CLIP4: variants seen among roughly 807,000 people sequenced by gnomAD.
The protein encoded by CLIP4 is CAP-Gly domain containing linker protein family member 4, also known as CAP-Gly domain-containing linker protein 4.
In CLIP4, 47 loss-of-function variants were observed where a neutral mutation model predicts 73.1. That is an observed-to-expected ratio of 0.64 (90% CI 0.51 to 0.82). The LOEUF is 0.82. CLIP4 is among the 40% of genes least tolerant of loss of function. The pLI is 0.00. For missense variants in CLIP4, 874 were observed against 852.9 expected, an observed-to-expected ratio of 1.02 and a Z score of -0.31; for synonymous variants, 306 against 295.4, an observed-to-expected ratio of 1.04 and a Z score of -0.37.
chr2:29,131,191 TTTA>T, intron 2 of CLIP4, 64 bp from the exon 3 acceptor site: 1 of 1,297,662 alleles, frequency 7.7e-7, no homozygotes, highest in South Asian at 1.4e-5. Context: ...GGTTTTATTG[TTTA>T]TTATTTTCAA....
intron 15 of CLIP4, among the ~76,000 whole-genome samples, chr2:29,177,510 G>A (rs1460986766): frequency 6.6e-6 from 1 of 152,036 alleles, no homozygotes; most frequent in Non-Finnish European, 1.5e-5. Flanking sequence ...GAACCTGGGG[G>A]GCAGAGGTTG....
chr2:29,140,395 C>A (rs1665678775), intron 6 of CLIP4, among the ~76,000 whole-genome samples: 2 of 152,234 alleles, frequency 1.3e-5, no homozygotes, highest in African/African-American at 2.4e-5. Context: ...CATGTCCCTA[C>A]AAAGGACATG....
intron 6 of CLIP4, among the ~76,000 whole-genome samples, chr2:29,143,495 A>G (rs1171226959): frequency 2.0e-5 from 3 of 151,566 alleles, no homozygotes; most frequent in African/African-American, 7.3e-5. Context: ...TCCCACCAGA[A>G]TGTAATGTTC....
At chr2:29,126,281 T>A (rs528813182) in intron 2 of CLIP4, among the ~76,000 whole-genome samples, 2 of 152,354 alleles carry the variant, frequency 1.3e-5, no homozygotes, top group South Asian at 4.1e-4. Context: ...AAGTTGAAAA[T>A]TCAAATGTAG....
chr2:29,165,344 G>T (rs1667538961), intron 13 of CLIP4, among the ~76,000 whole-genome samples: 2 of 151,924 alleles, frequency 1.3e-5, no homozygotes, highest in Middle Eastern at 3.4e-3. Context: ...GGGTCTGTTT[G>T]CAGGGCCCTT....
chr2:29,169,545 T>C (rs1667867218), intron 14 of CLIP4, among the ~76,000 whole-genome samples: 1 of 152,210 alleles, frequency 6.6e-6, no homozygotes, highest in South Asian at 2.1e-4. Flanking sequence ...TATGAGTTTT[T>C]GGGGTGCAAA....
At chr2:29,116,957 A>T (rs1348133884) in intron 1 of CLIP4, among the ~76,000 whole-genome samples, 1 of 152,194 alleles carries the variant, frequency 6.6e-6, no homozygotes, top group Non-Finnish European at 1.5e-5. Context: ...GAAACTAGTG[A>T]TCTTTAGATT....
chr2:29,123,150 A>G (rs191657696), intron 2 of CLIP4, among the ~76,000 whole-genome samples: 2 of 152,318 alleles, frequency 1.3e-5, no homozygotes, highest in East Asian at 3.9e-4. Flanking sequence ...ATCTGCAGAT[A>G]GTTTGAACAT....
chr2:29,116,343 G>A (rs1663833557), intron 1 of CLIP4, among the ~76,000 whole-genome samples: 2 of 152,222 alleles, frequency 1.3e-5, no homozygotes, highest in Non-Finnish European at 2.9e-5. Flanking sequence ...GTTTTGATAC[G>A]TATCAGAGGA....
intron 1 of CLIP4, among the ~76,000 whole-genome samples, chr2:29,117,063 A>G (rs1429028316): frequency 2.6e-5 from 4 of 152,252 alleles, no homozygotes; most frequent in Non-Finnish European, 5.9e-5. Context: ...ATAATGAACT[A>G]TGGAGCTATA....
At chr2:29,136,113 TA>T (rs1376791686) in intron 6 of CLIP4, among the ~76,000 whole-genome samples, 3 of 152,114 alleles carry the variant, frequency 2.0e-5, no homozygotes, top group Non-Finnish European at 2.9e-5. Context: ...GTGTATTTTT[TA>T]ATAGTAAAAT....
intron 12 of CLIP4, among the ~76,000 whole-genome samples, chr2:29,163,204 A>G (rs1033023341): frequency 1.3e-5 from 2 of 152,116 alleles, no homozygotes; most frequent in Non-Finnish European, 2.9e-5. Context: ...GTCCTTTTAA[A>G]TACAAAAAGT....
intron 15 of CLIP4, among the ~76,000 whole-genome samples, chr2:29,178,241 T>C (rs1668456541): frequency 6.6e-6 from 1 of 151,950 alleles, no homozygotes. Flanking sequence ...AGTGCAATGG[T>C]GTGATCTTGG....
intron 15 of CLIP4, among the ~76,000 whole-genome samples, chr2:29,177,452 G>A (rs1668410833): frequency 6.6e-6 from 1 of 151,586 alleles, no homozygotes; most frequent in Admixed American, 6.6e-5. Context: ...ATGGTGGCAG[G>A]CACCTGTAAT....
intron 15 of CLIP4, among the ~76,000 whole-genome samples, chr2:29,176,054 C>A (rs1242021733): frequency 6.6e-6 from 1 of 152,222 alleles, no homozygotes; most frequent in South Asian, 2.1e-4. Flanking sequence ...AGCCACCGCA[C>A]CCGGCTGAGA....
chr2:29,150,438 C>T (rs1218645623), intron 8 of CLIP4, among the ~76,000 whole-genome samples: 3 of 152,018 alleles, frequency 2.0e-5, no homozygotes, highest in Non-Finnish European at 2.9e-5. Context: ...CACGTTTTCC[C>T]TGACATGAAG....
intron 14 of CLIP4, among the ~76,000 whole-genome samples, chr2:29,169,393 A>G (rs1419700354): frequency 1.3e-5 from 2 of 151,030 alleles, no homozygotes; most frequent in Admixed American, 6.6e-5. Context: ...CTCCTCATAA[A>G]GACACTAGTC....
intron 8 of CLIP4, among the ~76,000 whole-genome samples, chr2:29,149,402 C>T (rs997102368): frequency 1.5e-5 from 2 of 136,714 alleles, no homozygotes; most frequent in African/African-American, 2.8e-5. Context: ...AGTATTTTTT[C>T]TCCTTTTCTT....
intron 8 of CLIP4, among the ~76,000 whole-genome samples, chr2:29,151,950 C>G (rs1666599644): frequency 6.6e-6 from 1 of 152,056 alleles, no homozygotes; most frequent in Non-Finnish European, 1.5e-5. Context: ...CCCCCCTGCC[C>G]CTGCCGCTCC....
Sources: allele counts gnomAD v4.1 joint callset (sites outside exome capture counted in the v4.1 genomes callset), GRCh38; gene constraint gnomAD v4.1.1; transcripts MANE v1.5; gene names NCBI Gene and HGNC (gene_info 2026-07-23, HGNC 2026-07-21).